Variants in MAP1S observed in about 807,000 individuals in gnomAD.
MAP1S encodes the protein microtubule-associated protein 1S.
In MAP1S, 27 loss-of-function variants were observed where a neutral mutation model predicts 60.9. The ratio of observed to expected loss-of-function variants is 0.44; its 90% CI spans 0.33 to 0.61. MAP1S has a LOEUF of 0.61. Among genes scored for constraint, MAP1S ranks in the 20% least tolerant of loss-of-function variants. The pLI is 0.03. For synonymous variants in MAP1S, 826 were observed against 694.2 expected (o/e 1.19, Z -2.98); for missense variants, 1,608 against 1,486.6 (o/e 1.08, Z -1.34).
chr19:17,726,996 C>A lies in MAP1S; in HGVS notation c.1612C>A (p.Pro538Thr). The A allele has an allele frequency of 1.9e-6, 3 of 1,578,816 alleles. No individual in the cohort carries two copies. The highest frequency in any genetic ancestry group is 8.6e-7 in the Non-Finnish European group (1 of 1,163,230). The change falls in exon 5 of 7, where the codon CCG becomes ACG. Residue 538 changes from proline to threonine, a missense_variant. Pro to Thr is a conservative substitution (Grantham distance 38, BLOSUM62 -1). Around this residue, in one of 4 missense-constraint regions of MAP1S, gnomAD observed 1,167 missense variants for 961.4 expected, o/e 1.21. Coordinates refer to ENST00000324096, the MANE Select transcript of MAP1S (RefSeq NM_018174.6). ...DPKPSVSRTQPREVRRAASSV... is the reference protein window; with the variant it reads ...DPKPSVSRTQTREVRRAASSV... ...CAAACCGAGTGTCTCCCGGACCCAG[C>A]CGCGGGAGGTGCGCCGGGCAGCCTC...
intron 5 of MAP1S, among the ~76,000 whole-genome samples, chr19:17,729,528 C>T (rs1161522290): frequency 6.6e-6 from 1 of 152,090 alleles, no homozygotes; most frequent in East Asian, 1.9e-4. Context: ...TTTTCTGAGA[C>T]AGAGTCTCAC....
At position 17,725,293 on chromosome 19, in the gene MAP1S, C is replaced by A; in HGVS notation, c.444+104C>A. Reference sequence around the variant, plus strand: ...GACCTGCTGTTTTCCATGGCCTGGTCTCCCCATCCTCTGTAGGATGGCAGT... The same window carrying A: ...GACCTGCTGTTTTCCATGGCCTGGTATCCCCATCCTCTGTAGGATGGCAGT... On this transcript the variant is annotated intron_variant, in intron 4 of 6. Coordinates refer to ENST00000324096, the MANE Select transcript of MAP1S (RefSeq NM_018174.6). This position sits in a 1 kb window ranked among gnomAD's most constrained non-coding sequence, Gnocchi z 4.2. The A allele has an allele frequency of 1.4e-6, 2 of 1,386,806 alleles. No individual in the cohort carries two copies. The highest frequency in any genetic ancestry group is 2.8e-5 in the South Asian group (2 of 72,042). The allele number at this position is 1,386,806 out of a possible 1,614,324, so 85.9% of individuals were successfully genotyped here.
rs1384824769 is a variant in MAP1S, at chr19:17,725,289, T to G, written c.444+100T>G. On this transcript the variant is annotated intron_variant, in intron 4 of 6. Transcript: ENST00000324096. This position sits in a 1 kb window ranked among gnomAD's most constrained non-coding sequence, Gnocchi z 4.2. ...CAGCGACCTGCTGTTTTCCATGGCC[T>G]GGTCTCCCCATCCTCTGTAGGATGG... 31 of 1,421,076 alleles carry G rather than the reference T, an allele frequency of 2.2e-5. No homozygotes were observed. The highest frequency in any genetic ancestry group is 2.8e-5 in the Non-Finnish European group (29 of 1,050,022). The allele number at this position is 1,421,076 out of a possible 1,614,324, so 88.0% of individuals were successfully genotyped here. A position where few individuals can be genotyped will look rare whatever the true frequency, so the allele number is the denominator to read the frequency against.
rs2080437594 is a variant in MAP1S, at chr19:17,727,085, C to T, written c.1701C>T (p.Ser567=). The T allele has an allele frequency of 6.2e-7, 1 of 1,604,658 alleles. No homozygotes were observed. The highest frequency in any genetic ancestry group is 8.5e-7 in the Non-Finnish European group (1 of 1,177,096). ...CACCCAAGCCCCGCAAAGCGCCCAG[C>T]ACGTCCCACTCTGGCTTCCCGCCGG... The part of the protein sequence containing the change: ...QAAPKPRKAP[S]TSHSGFPPVA... The change falls in exon 5 of 7, where the codon AGC becomes AGT. Residue 567 remains serine (S), a synonymous_variant. Coordinates refer to ENST00000324096, the MANE Select transcript of MAP1S (RefSeq NM_018174.6). This position sits in a 1 kb window ranked among gnomAD's most constrained non-coding sequence, Gnocchi z 4.1.
Position 17,726,052 on chromosome 19 carries a change from C to G in MAP1S, c.668C>G (p.Pro223Arg), listed in dbSNP as rs1030976715. The part of the protein sequence containing the change: ...YVAESLEPPS[P>R]FELLEPPTSG... ...GCTGAGTCTCTGGAGCCACCGTCCC[C>G]CTTCGAGCTGCTGGAGCCCCCGACC... The change falls in exon 5 of 7, where the codon CCC becomes CGC. Residue 223 changes from proline to arginine, a missense_variant. Pro to Arg is a moderately radical substitution (Grantham distance 103). This residue lies in a region of MAP1S where 320 missense variants were observed against 393.1 expected (regional missense o/e 0.81). Coordinates refer to ENST00000324096, the MANE Select transcript of MAP1S (RefSeq NM_018174.6). 1.9e-6 allele frequency: 3 copies of G among 1,613,410 alleles called. No individual in the cohort carries two copies. The highest frequency in any genetic ancestry group is 2.5e-6 in the Non-Finnish European group (3 of 1,179,870).
chr19:17,733,077 G>A (rs966820998), intron 5 of MAP1S, 116 bp from the exon 6 acceptor site: 5 of 659,076 alleles, frequency 7.6e-6, no homozygotes, highest in South Asian at 2.0e-5. Flanking sequence ...AAAACTCTGA[G>A]TTCAGGCCTC....
At position 17,722,621 on chromosome 19, in the gene MAP1S, C is replaced by T. The variant is rs561249890; in HGVS notation, c.221-1505C>T. On this transcript the variant is annotated intron_variant, in intron 2 of 6. Transcript: ENST00000324096. ...AAAATTAGCTGGTTGTGGTGGCAAG[C>T]GCCTATAACCCCAGCTACTTGGGAG... 1.9e-3 allele frequency among the ~76,000 whole-genome samples: 291 copies of T among 151,908 alleles called. 1 individual carries two copies. Among genetic ancestry groups the T allele is most frequent in the Admixed American group, 5.3e-3 (80 of 15,236 alleles).
chr19:17,728,183 G>A lies in MAP1S; in HGVS notation c.2788+11G>A. On this transcript the variant is annotated intron_variant, in intron 5 of 6. Coordinates refer to ENST00000324096, the MANE Select transcript of MAP1S (RefSeq NM_018174.6). ...CTCGAGGCCCGTCGGGTGAGTACTG[G>A]AGCTGGGGCCCTGGGCTGGGTTAGC... 1 of 1,559,234 alleles carries A rather than the reference G, an allele frequency of 6.4e-7. No individual in the cohort carries two copies. The highest frequency in any genetic ancestry group is 1.2e-5 in the South Asian group (1 of 84,498).
rs995795345 is a variant in MAP1S at position 17,730,875 on chromosome 19, T to G, written c.2789-2318T>G. On this transcript the variant is annotated intron_variant, in intron 5 of 6. Coordinates refer to ENST00000324096, the MANE Select transcript of MAP1S (RefSeq NM_018174.6). Reference sequence around the variant, plus strand: ...CCCAATAAATGATTGCCACATCGATTTTTTTTCTTTTTTCTTTTTCTTTTT... The same window carrying G: ...CCCAATAAATGATTGCCACATCGATGTTTTTTCTTTTTTCTTTTTCTTTTT... Among the ~76,000 whole-genome samples, 4 of 151,920 alleles carry G rather than the reference T, an allele frequency of 2.6e-5. No individual in the cohort carries two copies. In the East Asian group the frequency reaches 7.7e-4, roughly 29 times the overall value.
At chr19:17,724,602 G>A (rs2080400752) in intron 3 of MAP1S, among the ~76,000 whole-genome samples, 1 of 152,164 alleles carries the variant, frequency 6.6e-6, no homozygotes, top group African/African-American at 2.4e-5. Context: ...TATACATCCG[G>A]AAGATGAACC....
At chr19:17,722,393 A>G (rs1035173843) in intron 2 of MAP1S, among the ~76,000 whole-genome samples, 4 of 152,258 alleles carry the variant, frequency 2.6e-5, no homozygotes, top group Admixed American at 2.0e-4. Flanking sequence ...CAGAGGCTGC[A>G]GTGAGCTAAG....
rs775187735 is a variant in MAP1S, at chr19:17,726,008, C to G, written c.624C>G (p.Cys208Trp). 4 of 1,612,454 alleles carry G rather than the reference C, an allele frequency of 2.5e-6. No homozygotes were observed. The highest frequency in any genetic ancestry group is 2.2e-5 in the South Asian group (2 of 90,934). The change falls in exon 5 of 7, where the codon TGC becomes TGG. Residue 208 changes from cysteine to tryptophan, a missense_variant. Around this residue, in one of 4 missense-constraint regions of MAP1S, gnomAD observed 320 missense variants for 393.1 expected, o/e 0.81. Coordinates refer to ENST00000324096, the MANE Select transcript of MAP1S (RefSeq NM_018174.6). ...PAQLPNSEGL[C>W]EFLEYVAESL... Reference sequence around the variant, plus strand: ...AGCTGCCCAACTCTGAGGGCCTGTGCGAATTCCTGGAGTACGTGGCTGAGT... The same window carrying G: ...AGCTGCCCAACTCTGAGGGCCTGTGGGAATTCCTGGAGTACGTGGCTGAGT...
intron 2 of MAP1S, among the ~76,000 whole-genome samples, chr19:17,723,765 G>C (rs986890479): frequency 6.6e-6 from 1 of 152,140 alleles, no homozygotes; most frequent in Non-Finnish European, 1.5e-5. Context: ...CAGGAGAATG[G>C]CGTGAACCCG....
Position 17,726,181 on chromosome 19 carries a change from A to G in MAP1S, c.797A>G (p.Asn266Ser). The G allele has an allele frequency of 1.2e-6, 2 of 1,612,788 alleles. No homozygotes were observed. The highest frequency in any genetic ancestry group is 1.7e-6 in the Non-Finnish European group (2 of 1,179,548). Residue 266 changes from asparagine (N) to serine (S), a missense_variant, in exon 5 of 7, where the codon AAC (asparagine) becomes AGC (serine). Around this residue, in one of 4 missense-constraint regions of MAP1S, gnomAD observed 320 missense variants for 393.1 expected, o/e 0.81. Transcript: ENST00000324096. Reference sequence around the variant, plus strand: ...GTCAATGGCTTCACTGTGCTGGTCAACGGTGGCTCAAACCCCAAGTCCAGT... The same window carrying G: ...GTCAATGGCTTCACTGTGCTGGTCAGCGGTGGCTCAAACCCCAAGTCCAGT... ...FAVNGFTVLV[N>S]GGSNPKSSFW...
intron 1 of MAP1S, chr19:17,720,160 C>T: frequency 7.5e-7 from 1 of 1,335,122 alleles, no homozygotes; most frequent in Non-Finnish European, 9.6e-7. Context: ...GGAGGTGAGT[C>T]ATAGGCGCAC....
intron 1 of MAP1S, chr19:17,720,701 A>G: frequency 1.6e-6 from 1 of 622,728 alleles, no homozygotes; most frequent in Non-Finnish European, 2.8e-6. Flanking sequence ...GTGGAGATGG[A>G]GGAGGTGGAG....
In MAP1S at chr19:17,727,762, C is replaced by G; in HGVS notation, c.2378C>G (p.Thr793Ser). 1 of 1,609,534 alleles carries G rather than the reference C, an allele frequency of 6.2e-7. No homozygotes were observed. Among genetic ancestry groups the G allele is most frequent in the South Asian group, 1.1e-5 (1 of 90,608 alleles). ...PPTSVSESLP[T>S]LSDSDPVPLA... is the part of the protein sequence containing the mutation. ...ACATCGGTCAGCGAGTCCCTGCCCACCCTGTCTGACTCGGATCCCGTGCCC... is the reference window on the plus strand; with the variant it reads ...ACATCGGTCAGCGAGTCCCTGCCCAGCCTGTCTGACTCGGATCCCGTGCCC... Residue 793 changes from threonine to serine, a missense_variant, in exon 5 of 7, where the codon ACC becomes AGC. By Grantham distance (58) the Thr-to-Ser change is moderately conservative (BLOSUM62 1). Coordinates refer to ENST00000324096, the MANE Select transcript of MAP1S (RefSeq NM_018174.6). The surrounding 1 kb of genome is among the most constrained non-coding windows in gnomAD (Gnocchi z 4.1).
In MAP1S at chr19:17,734,338, G is replaced by T; in HGVS notation, c.3090G>T (p.Arg1030=). The change falls in exon 7 of 7, where the codon CGG becomes CGT. Residue 1030 remains arginine, a synonymous_variant. Coordinates refer to ENST00000324096, the MANE Select transcript of MAP1S (RefSeq NM_018174.6). ...CGTGGTACGCAGAGACGCACGCCCGGCACCAGGCGCTGGGCATCACGGTGT... is the reference window on the plus strand; with the variant it reads ...CGTGGTACGCAGAGACGCACGCCCGTCACCAGGCGCTGGGCATCACGGTGT... ...MHTWYAETHA[R]HQALGITVLG... 1.2e-6 allele frequency: 2 copies of T among 1,613,894 alleles called. No homozygotes were observed. Among genetic ancestry groups the T allele is most frequent in the Non-Finnish European group, 1.7e-6 (2 of 1,179,974 alleles).
chr19:17,726,725 C>T lies in MAP1S; in HGVS notation c.1341C>T (p.Arg447=). Residue 447 remains arginine (R), a synonymous_variant, in exon 5 of 7, where the codon CGC becomes CGT. Transcript: ENST00000324096. ...CCTGCCTCCTGGACGGCCTGGTCCG[C>T]CTGCAGCACTTGAGGTTCCTGCGAG... The part of the protein sequence containing the change: ...PPACLLDGLV[R]LQHLRFLREP... The T allele has an allele frequency of 1.3e-6, 2 of 1,589,734 alleles. No individual in the cohort carries two copies. Among genetic ancestry groups the T allele is most frequent in the Non-Finnish European group, 1.7e-6 (2 of 1,171,488 alleles).
Sources: gnomAD v4.1 joint callset for allele counts (sites outside exome capture counted in the v4.1 genomes callset) on GRCh38, gnomAD v4.1.1 for gene constraint, gnomAD v4.1.1 regional missense constraint, Gnocchi (gnomAD v3.1) non-coding constraint, MANE v1.5 for transcripts, NCBI Gene and HGNC (gene_info 2026-07-23, HGNC 2026-07-21) for gene names.